The following GRAMD2B variants were observed in gnomAD, a reference collection of about 807,000 sequenced individuals.
GRAMD2B encodes the protein GRAM domain-containing protein 2B.
In GRAMD2B, 41 loss-of-function variants were observed where a neutral mutation model predicts 59.2. That is an observed-to-expected ratio of 0.69 (90% CI 0.54 to 0.90). The LOEUF (loss-of-function observed/expected upper bound fraction) is 0.90, where lower values mean the gene tolerates loss of function less well. Ranked by LOEUF, GRAMD2B falls within the 40% of genes least tolerant of loss-of-function variation. The pLI, the probability that GRAMD2B is intolerant of heterozygous loss-of-function variation, is 0.00. For missense variants in GRAMD2B, 424 were observed against 500.5 expected, an observed-to-expected ratio of 0.85 and a Z score of 1.46; for synonymous variants, 161 against 182.7, an observed-to-expected ratio of 0.88 and a Z score of 0.96.
chr5:126,422,082 T>G (rs1301790054), upstream of GRAMD2B, among the ~76,000 whole-genome samples: 1 of 152,204 alleles, frequency 6.6e-6, no homozygotes, highest in Non-Finnish European at 1.5e-5. Flanking sequence ...AAATGTCATT[T>G]GCTATAACAA....
intron 1 of GRAMD2B, among the ~76,000 whole-genome samples, chr5:126,388,257 C>CA (rs1371128616): frequency 6.6e-6 from 1 of 152,020 alleles, no homozygotes; most frequent in Non-Finnish European, 1.5e-5. Context: ...CCTGTGGTCC[C>CA]AGCTGCTTAG....
intron 1 of GRAMD2B, among the ~76,000 whole-genome samples, chr5:126,403,900 T>C (rs557361619): frequency 9.9e-4 from 151 of 152,032 alleles, no homozygotes; most frequent in African/African-American, 3.6e-3. Context: ...AGTGGAATAA[T>C]AGCATCATTT....
At chr5:126,427,639 T>C (rs1211943953) in intron 1 of GRAMD2B, among the ~76,000 whole-genome samples, 8 of 152,318 alleles carry the variant, frequency 5.3e-5, no homozygotes, top group Admixed American at 2.0e-4. Flanking sequence ...TTTTAGTATA[T>C]ATTTTTACTT....
chr5:126,374,648 AGT>A (rs1755035718), intron 1 of GRAMD2B, among the ~76,000 whole-genome samples: 1 of 152,238 alleles, frequency 6.6e-6, no homozygotes. Flanking sequence ...TTCTGCTAGA[AGT>A]GTGTTTTCCT....
intron 1 of GRAMD2B, among the ~76,000 whole-genome samples, chr5:126,395,178 C>T (rs1444021427): frequency 6.6e-6 from 1 of 151,954 alleles, no homozygotes; most frequent in Admixed American, 6.6e-5. Context: ...TGGTTAAAAA[C>T]ACATGAAAAG....
Position 126,486,966 on chromosome 5 carries a change from C to A in GRAMD2B, c.1152C>A (p.Thr384=). The change falls in exon 12 of 14, where the codon ACC becomes ACA. Residue 384 remains threonine (T), a synonymous_variant. Transcript: ENST00000285689. ...GGTTACTAACCTCCATTGTGGACAC[C>A]CATAATACTGAGTAAGACGATTGCC... The part of the protein sequence containing the change: ...QLGLLTSIVD[T]HNTEQAAPSG... 1 of 1,577,910 alleles carries A rather than the reference C, an allele frequency of 6.3e-7. No individual in the cohort carries two copies. Among genetic ancestry groups the A allele is most frequent in the Non-Finnish European group, 8.7e-7 (1 of 1,147,640 alleles).
At chr5:126,422,914 C>G (rs1759890830), upstream of GRAMD2B, among the ~76,000 whole-genome samples, 1 of 144,710 alleles carries the variant, frequency 6.9e-6, no homozygotes, top group Non-Finnish European at 1.5e-5. Flanking sequence ...CCCCTCTAAC[C>G]ACCCCCCCCA....
rs79017520 is a variant in GRAMD2B at position 126,468,188 on chromosome 5, G to A, written c.204-1489G>A. On this transcript the variant is annotated intron_variant, in intron 2 of 13. Coordinates refer to ENST00000285689, the MANE Select transcript of GRAMD2B (RefSeq NM_023927.4). Reference sequence around the variant, plus strand: ...TACTTTGAAATGACTGCGTTTAGCCGTAGGGTTGAAGTTACGTACAAATGT... The same window carrying A: ...TACTTTGAAATGACTGCGTTTAGCCATAGGGTTGAAGTTACGTACAAATGT... Among the ~76,000 whole-genome samples, 580 of 152,280 alleles carry A rather than the reference G, an allele frequency of 3.8e-3. 7 individuals carry two copies. Among genetic ancestry groups the A allele is most frequent in the African/African-American group, 0.013 (547 of 41,562 alleles).
At chr5:126,385,807 C>G (rs1394763367) in intron 1 of GRAMD2B, among the ~76,000 whole-genome samples, 1 of 152,104 alleles carries the variant, frequency 6.6e-6, no homozygotes, top group African/African-American at 2.4e-5. Context: ...GGGGTGCAAC[C>G]CAGTCCATGG....
At chr5:126,399,749 G>A (rs888426981) in intron 1 of GRAMD2B, among the ~76,000 whole-genome samples, 5 of 152,074 alleles carry the variant, frequency 3.3e-5, no homozygotes, top group South Asian at 2.1e-4. Context: ...TTTCACTCGA[G>A]ACAGTTTTAC....
At chr5:126,477,442 G>A (rs1256182187) in intron 5 of GRAMD2B, among the ~76,000 whole-genome samples, 1 of 152,062 alleles carries the variant, frequency 6.6e-6, no homozygotes, top group East Asian at 1.9e-4. Context: ...GAAGATAAAC[G>A]TTTCCCACCA....
intron 3 of GRAMD2B, 26 bp downstream of exon 3, chr5:126,469,814 G>A: frequency 6.6e-7 from 1 of 1,526,354 alleles, no homozygotes. Context: ...AATTTGTATT[G>A]TCTTAGAGGG....
chr5:126,406,191 C>A (rs959048713), intron 1 of GRAMD2B, among the ~76,000 whole-genome samples: 20 of 151,782 alleles, frequency 1.3e-4, no homozygotes, highest in African/African-American at 4.6e-4. Context: ...CATCTTTTAC[C>A]AGCTCTGGCT....
chr5:126,416,511 A>G (rs1235200184), intron 1 of GRAMD2B, among the ~76,000 whole-genome samples: 1 of 152,232 alleles, frequency 6.6e-6, no homozygotes, highest in African/African-American at 2.4e-5. Context: ...CTGTGAACAC[A>G]GGAACGAACA....
chr5:126,413,335 G>A (rs896064206), intron 1 of GRAMD2B, among the ~76,000 whole-genome samples: 1 of 151,898 alleles, frequency 6.6e-6, no homozygotes, highest in Non-Finnish European at 1.5e-5. Flanking sequence ...ATAATTTCTT[G>A]ATTTCTGCCT....
intron 8 of GRAMD2B, among the ~76,000 whole-genome samples, chr5:126,481,464 A>C (rs964340283): frequency 1.3e-5 from 2 of 152,182 alleles, no homozygotes; most frequent in African/African-American, 4.8e-5. Flanking sequence ...ATATGAGCCC[A>C]TGGTTTCAAC....
intron 1 of GRAMD2B, among the ~76,000 whole-genome samples, chr5:126,375,441 T>C (rs1339144689): frequency 6.6e-6 from 1 of 152,014 alleles, no homozygotes; most frequent in Non-Finnish European, 1.5e-5. Flanking sequence ...CGATCTCGGC[T>C]CACTGCAAGC....
intron 1 of GRAMD2B, among the ~76,000 whole-genome samples, chr5:126,400,823 A>G (rs1371258826): frequency 1.3e-5 from 2 of 152,082 alleles, no homozygotes; most frequent in Non-Finnish European, 2.9e-5. Flanking sequence ...TGATAGTCTT[A>G]TATACATTCC....
Position 126,360,403 on chromosome 5 carries a change from C to T in GRAMD2B, c.72C>T (p.Pro24=), listed in dbSNP as rs374545105. ...AAACATTCCAAGCACAGCTTATGCC[C>T]TGGAAGAGTATGTTCCACGGGAGAG... The change falls in exon 1 of 14, where the codon CCC becomes CCT. Residue 24 remains proline, a synonymous_variant. Transcript: ENST00000513040. 9.8e-5 allele frequency: 152 copies of T among 1,551,210 alleles called. 1 individual carries two copies. The highest frequency in any genetic ancestry group is 1.3e-4 in the Non-Finnish European group (147 of 1,146,698).
Sources: gnomAD v4.1 joint callset for allele counts (sites outside exome capture counted in the v4.1 genomes callset) on GRCh38, gnomAD v4.1.1 for gene constraint, MANE v1.5 for transcripts, NCBI Gene and HGNC (gene_info 2026-07-23, HGNC 2026-07-21) for gene names.